DUS2: variants seen among roughly 807,000 people sequenced by gnomAD.
DUS2 encodes tRNA-dihydrouridine(20) synthase [NAD(P)+]-like.
In DUS2, 52 loss-of-function variants were observed where a neutral mutation model predicts 71.3. The observed-to-expected ratio is 0.73, with a 90% CI of 0.58 to 0.92. The LOEUF is 0.92. DUS2 is among the 40% of genes least tolerant of loss of function. DUS2 has a pLI of 0.00. For synonymous variants in DUS2, 204 were observed against 227.8 expected, an observed-to-expected ratio of 0.90 and a Z score of 0.94; for missense variants, 558 against 622.6, an observed-to-expected ratio of 0.90 and a Z score of 1.10.
chr16:68,051,043 T>A (rs1247483910), intron 4 of DUS2, among the ~76,000 whole-genome samples: 2 of 152,206 alleles, frequency 1.3e-5, no homozygotes, highest in Non-Finnish European at 2.9e-5. Flanking sequence ...CATCCATGTA[T>A]GGAAATACTT....
chr16:68,074,028 T>G lies in DUS2; in HGVS notation c.811-6T>G. 6.2e-7 allele frequency: 1 copy of G among 1,614,052 alleles called. No individual in the cohort carries two copies. The highest frequency in any genetic ancestry group is 8.5e-7 in the Non-Finnish European group (1 of 1,179,940). On this transcript the variant is annotated splice_region_variant and splice_polypyrimidine_tract_variant and intron_variant, in intron 12 of 16. Transcript: ENST00000565263. ...TGGGCATCAGGCAAGTCATTTCTTT[T>G]CTCAGGCGGTGCAGTATGACAACCA...
At chr16:68,062,028 T>G (rs2033946864) in intron 8 of DUS2, among the ~76,000 whole-genome samples, 1 of 152,178 alleles carries the variant, frequency 6.6e-6, no homozygotes, top group South Asian at 2.1e-4. Context: ...TTCTTTTTTT[T>G]GAGACAGAGT....
At chr16:68,073,067 GT>G (rs1472032744) in intron 12 of DUS2, among the ~76,000 whole-genome samples, 1 of 152,162 alleles carries the variant, frequency 6.6e-6, no homozygotes, top group Non-Finnish European at 1.5e-5. Context: ...AATTTGGTGT[GT>G]TTCCCCTCCC....
Position 68,070,931 on chromosome 16 carries a change from G to C in DUS2, c.642-9G>C. On this transcript the variant is annotated splice_polypyrimidine_tract_variant and intron_variant, in intron 11 of 16. Transcript: ENST00000565263. The stretch of plus-strand genomic sequence containing the variant: ...TGGGGACACCCCTAACCCTCTGGTT[G>C]CTTTTTAGCGGAGGATCTCATGACC... 1 of 1,613,612 alleles carries C rather than the reference G, an allele frequency of 6.2e-7. No individual in the cohort carries two copies. Among genetic ancestry groups the C allele is most frequent in the Non-Finnish European group, 8.5e-7 (1 of 1,179,572 alleles).
Position 68,056,352 on chromosome 16 carries a change from A to G in DUS2, c.309-12A>G. The G allele has an allele frequency of 6.2e-7, 1 of 1,612,594 alleles. No individual in the cohort carries two copies. The highest frequency in any genetic ancestry group is 8.5e-7 in the Non-Finnish European group (1 of 1,178,904). On this transcript the variant is annotated splice_polypyrimidine_tract_variant and intron_variant, in intron 6 of 16. Coordinates refer to ENST00000565263, the MANE Select transcript of DUS2 (RefSeq NM_017803.5). The stretch of plus-strand genomic sequence containing the variant: ...CAATACTTATTACCTTTACTCCTTC[A>G]TCCTTTTCCAGAGAAAATGATGTGG...
intron 6 of DUS2, 111 bp downstream of exon 6, chr16:68,054,728 A>G: frequency 7.7e-7 from 1 of 1,303,920 alleles, no homozygotes; most frequent in South Asian, 1.2e-5. Flanking sequence ...CTAGCCCATT[A>G]CCTTCTGTTT....
intron 2 of DUS2, among the ~76,000 whole-genome samples, chr16:68,032,092 G>T (rs1302388982): frequency 1.3e-5 from 2 of 152,194 alleles, no homozygotes; most frequent in Non-Finnish European, 2.9e-5. Context: ...TGGTGATGTG[G>T]GTGTGATCTC....
intron 3 of DUS2, among the ~76,000 whole-genome samples, chr16:68,045,250 C>T (rs2151416981): frequency 6.6e-6 from 1 of 152,212 alleles, no homozygotes; most frequent in East Asian, 1.9e-4. Flanking sequence ...CTTTCTGTCT[C>T]TCTCTGTCTC....
intron 3 of DUS2, among the ~76,000 whole-genome samples, chr16:68,039,157 G>A (rs944588802): frequency 6.6e-6 from 1 of 152,098 alleles, no homozygotes; most frequent in Non-Finnish European, 1.5e-5. Context: ...GTGTGTTGGC[G>A]CATAGGAATT....
Position 68,066,371 on chromosome 16 carries a change from A to G in DUS2, c.472A>G (p.Ile158Val). The change falls in exon 9 of 17, where the codon ATC becomes GTC. Residue 158 changes from isoleucine (I) to valine (V), a missense_variant. Transcript: ENST00000565263. The stretch of plus-strand genomic sequence containing the variant: ...CAGACCTGTGACCTGCAAGATTCGC[A>G]TCCTGCCATCGGTAAGGATGGTGTG... ...TRRPVTCKIR[I>V]LPSLEDTLSL... 1 of 1,614,204 alleles carries G rather than the reference A, an allele frequency of 6.2e-7. No homozygotes were observed.
At chr16:68,049,575 T>TTA (rs773868734) in intron 4 of DUS2, 25 bp downstream of exon 4, 2 of 1,612,356 alleles carry the variant, frequency 1.2e-6, no homozygotes, top group Non-Finnish European at 1.7e-6. Context: ...GGCTCCAGAA[T>TTA]TATGCATATG....
chr16:68,028,161 C>T (rs2033383257), intron 2 of DUS2, among the ~76,000 whole-genome samples: 1 of 152,020 alleles, frequency 6.6e-6, no homozygotes, highest in Non-Finnish European at 1.5e-5. Context: ...AAGTGATAAG[C>T]CTGGAGGCAG....
At chr16:68,070,902 G>A (rs781193785) in intron 11 of DUS2, 38 bp from the exon 12 acceptor site, 39 of 1,603,342 alleles carry the variant, frequency 2.4e-5, no homozygotes, top group Middle Eastern at 1.7e-4. Context: ...GATAGGTTCC[G>A]TGATGGGGAC....
At chr16:68,049,688 C>T in intron 4 of DUS2, 138 bp downstream of exon 4, 1 of 786,812 alleles carries the variant, frequency 1.3e-6, no homozygotes, top group Non-Finnish European at 2.2e-6. Flanking sequence ...CCCTTGAGAG[C>T]AGTCACTGAT....
intron 3 of DUS2, among the ~76,000 whole-genome samples, chr16:68,040,616 G>A (rs1240664630): frequency 6.6e-6 from 1 of 152,148 alleles, no homozygotes; most frequent in Non-Finnish European, 1.5e-5. Flanking sequence ...AAACAAAGGG[G>A]TATCTACCTA....
At chr16:68,049,632 C>A in intron 4 of DUS2, 82 bp downstream of exon 4, 1 of 1,320,462 alleles carries the variant, frequency 7.6e-7, no homozygotes, top group East Asian at 2.3e-5. Flanking sequence ...CCTGGGGTGA[C>A]AGTGTCTTGC....
rs1211901340 is a variant in DUS2, at chr16:68,078,965, A to C, written c.1461A>C (p.Glu487Asp). 1 of 1,580,876 alleles carries C rather than the reference A, an allele frequency of 6.3e-7. No homozygotes were observed. ...TTGTGGCCTTGGGAAGTGGTGAAGA[A>C]AGCCCCCTGGAAGGCTGGTGACTAC... ...KPFVALGSGE[E>D]SPLEGW The change falls in exon 17 of 17, where the codon GAA (glutamate) becomes GAC (aspartate). Residue 487 changes from glutamate (E) to aspartate (D), a missense_variant. Physicochemically the swap from Glu to Asp is conservative, Grantham distance 45. Coordinates refer to ENST00000565263, the MANE Select transcript of DUS2 (RefSeq NM_017803.5).
At chr16:68,048,209 G>A (rs571592112) in intron 3 of DUS2, among the ~76,000 whole-genome samples, 1 of 152,348 alleles carries the variant, frequency 6.6e-6, no homozygotes, top group East Asian at 1.9e-4. Flanking sequence ...TATTTGGATG[G>A]AGATTTCCGT....
intron 2 of DUS2, among the ~76,000 whole-genome samples, chr16:68,027,570 C>G (rs2033371249): frequency 6.6e-6 from 1 of 152,182 alleles, no homozygotes; most frequent in African/African-American, 2.4e-5. Flanking sequence ...ACAGCAAACA[C>G]TAAGCATCTA....
Sources: allele counts gnomAD v4.1 joint callset (sites outside exome capture counted in the v4.1 genomes callset), GRCh38; gene constraint gnomAD v4.1.1; transcripts MANE v1.5; gene names NCBI Gene and HGNC (gene_info 2026-07-23, HGNC 2026-07-21).